Variants in GPI observed in about 807,000 individuals in gnomAD.
The protein encoded by GPI is glucose-6-phosphate isomerase.
Under a neutral mutation model 75.8 loss-of-function variants are expected in GPI, and 56 were observed. The observed-to-expected ratio is 0.74, with a 90% CI of 0.60 to 0.92. GPI has a LOEUF of 0.92. GPI is among the 40% of genes least tolerant of loss of function. The probability of loss-of-function intolerance (pLI) is 0.00; values close to 1 mark genes in which losing one functional copy is unlikely to be tolerated. For synonymous variants in GPI, 288 were observed against 285.4 expected, an observed-to-expected ratio of 1.01 and a Z score of -0.09; for missense variants, 638 against 741.0, an observed-to-expected ratio of 0.86 and a Z score of 1.61.
chr19:34,374,155 A>ATTTTTTTTTTTG (rs2074498045), intron 4 of GPI, among the ~76,000 whole-genome samples: 1 of 117,236 alleles, frequency 8.5e-6, no homozygotes, highest in African/African-American at 3.4e-5. Context: ...TTTTTTTTTA[A>ATTTTTTTTTTTG]ATTTTTTTAG....
At chr19:34,379,438 C>T in intron 7 of GPI, 80 bp from the exon 8 acceptor site, 1 of 1,211,864 alleles carries the variant, frequency 8.3e-7, no homozygotes. Context: ...CATGCAGGGC[C>T]TTGGTTCCTC....
chr19:34,379,469 C>T (rs746276683), intron 7 of GPI, 49 bp from the exon 8 acceptor site: 1 of 1,554,002 alleles, frequency 6.4e-7, no homozygotes, highest in East Asian at 2.2e-5. Context: ...AAGTGACTAC[C>T]CTTTGTCTCC....
At chr19:34,366,294 C>T in intron 1 of GPI, 51 bp from the exon 2 acceptor site, 1 of 1,206,504 alleles carries the variant, frequency 8.3e-7, no homozygotes. Flanking sequence ...GGGCATGGCT[C>T]CCCGCTAGGG....
intron 1 of GPI, 157 bp from the exon 2 acceptor site, chr19:34,366,188 C>T (rs2074361258): frequency 1.4e-6 from 1 of 707,742 alleles, no homozygotes; most frequent in Admixed American, 2.0e-5. Flanking sequence ...CCTGGTGGGC[C>T]AGCAGGTGAC....
chr19:34,397,112 T>C (rs2074957613), intron 14 of GPI, among the ~76,000 whole-genome samples: 1 of 152,084 alleles, frequency 6.6e-6, no homozygotes, highest in East Asian at 1.9e-4. Flanking sequence ...TCCTGGGCTA[T>C]CTGAAGAGTT....
intron 3 of GPI, 139 bp from the exon 4 acceptor site, chr19:34,368,444 A>T: frequency 7.0e-6 from 6 of 861,970 alleles, no homozygotes; most frequent in Non-Finnish European, 9.3e-6. Flanking sequence ...TTCTTGGAAC[A>T]AGGTTATGGT....
At chr19:34,386,708 C>T (rs1010111572) in intron 9 of GPI, among the ~76,000 whole-genome samples, 14 of 152,112 alleles carry the variant, frequency 9.2e-5, no homozygotes, top group Admixed American at 5.2e-4. Context: ...CTAAGTTAGA[C>T]GTGGGTAGGT....
upstream of GPI, chr19:34,365,172 G>A (rs2074336743): frequency 1.6e-6 from 2 of 1,265,668 alleles, no homozygotes; most frequent in South Asian, 2.8e-5. Flanking sequence ...GCGCCATAAA[G>A]GCCGCCGCGC....
chr19:34,362,234 G>C (rs1005184745), upstream of GPI, among the ~76,000 whole-genome samples: 3 of 152,008 alleles, frequency 2.0e-5, no homozygotes, highest in African/African-American at 7.2e-5. Context: ...TTGCAGGGAA[G>C]CAGAGGTTGC....
rs2075014798 is a variant in GPI at position 34,401,028 on chromosome 19, TTTTTTTTTTTTTTTTGACAAC to T, written c.*1007_*1027del. The T allele has an allele frequency of 8.7e-6, 1 of 114,578 alleles. No individual in the cohort carries two copies. The highest frequency in any genetic ancestry group is 3.9e-5 in the African/African-American group (1 of 25,390). 7.1% of individuals were successfully genotyped at this position (114,578 alleles called of 1,614,324 possible). On this transcript the variant is annotated 3_prime_UTR_variant, in exon 18 of 18. Coordinates refer to ENST00000356487, the MANE Select transcript of GPI (RefSeq NM_000175.5). ...GGTATGAGCCACCACGCCCGGCCCA[TTTTTTTTTTTTTTTTGACAAC>T]TTTTTTTTTTTTTTGAGACAGGGTC...
At chr19:34,376,338 C>T (rs1484137682) in intron 4 of GPI, among the ~76,000 whole-genome samples, 2 of 152,020 alleles carry the variant, frequency 1.3e-5, no homozygotes, top group Non-Finnish European at 2.9e-5. Context: ...GGTGGATCAC[C>T]TGAGGTCAGG....
chr19:34,393,569 G>A lies in GPI; in HGVS notation c.866-159G>A. The A allele has an allele frequency of 2.7e-6, 2 of 751,942 alleles. No homozygotes were observed. Among genetic ancestry groups the A allele is most frequent in the Non-Finnish European group, 4.6e-6 (2 of 430,824 alleles). The allele number at this position is 751,942 out of a possible 1,614,324, so 46.6% of individuals were successfully genotyped here. Reference sequence around the variant, plus strand: ...GCAGAGTCAGATCCCTGCACTCAGGGCCACCTCTCACTGGAGGGGCTTTGT... The same window carrying A: ...GCAGAGTCAGATCCCTGCACTCAGGACCACCTCTCACTGGAGGGGCTTTGT... On this transcript the variant is annotated intron_variant, in intron 10 of 17. Transcript: ENST00000356487. The surrounding 1 kb of genome is among the most constrained non-coding windows in gnomAD (Gnocchi z 4.4).
intron 9 of GPI, among the ~76,000 whole-genome samples, chr19:34,384,019 G>T (rs1276521460): frequency 6.6e-6 from 1 of 152,188 alleles, no homozygotes; most frequent in Non-Finnish European, 1.5e-5. Flanking sequence ...GTTTCTAGGG[G>T]AGGCCTGAGG....
intron 1 of GPI, 189 bp downstream of exon 1, chr19:34,365,577 T>G (rs1174568369): frequency 2.0e-6 from 2 of 988,790 alleles, no homozygotes; most frequent in African/African-American, 3.2e-5. Context: ...CCTGGGGGCT[T>G]GCAGCCTCGC....
At chr19:34,389,248 C>T (rs1412847214) in intron 9 of GPI, among the ~76,000 whole-genome samples, 7 of 152,164 alleles carry the variant, frequency 4.6e-5, no homozygotes, top group Admixed American at 4.6e-4. Flanking sequence ...ATCTCATTGC[C>T]CAAGCCAGAA....
chr19:34,376,689 G>A (rs10412725), intron 4 of GPI, among the ~76,000 whole-genome samples: 17,256 of 152,086 alleles, frequency 0.11, 1,290 homozygotes, highest in African/African-American at 0.2. Context: ...CAACTTCCTG[G>A]ACTCAAGCAA....
rs985804587 is a variant in GPI, at chr19:34,399,701, T to C, written c.1475-18T>C. 1.9e-6 allele frequency: 3 copies of C among 1,613,926 alleles called. No homozygotes were observed. The highest frequency in any genetic ancestry group is 1.3e-5 in the African/African-American group (1 of 74,932). On this transcript the variant is annotated intron_variant, in intron 16 of 17. Coordinates refer to ENST00000356487, the MANE Select transcript of GPI (RefSeq NM_000175.5). ...GGGCTTGTGGAGCCCTGATGTGCCCTGTCTGTCACTTCTGCAGCCATGTAT... is the reference window on the plus strand; with the variant it reads ...GGGCTTGTGGAGCCCTGATGTGCCCCGTCTGTCACTTCTGCAGCCATGTAT...
In GPI at chr19:34,374,733, G is replaced by T. The variant is rs1408409706; in HGVS notation, c.403-2770G>T. The stretch of plus-strand genomic sequence containing the variant: ...TTCTTTCTTTTTTCTTTTTTTCTTT[G>T]TTTTTTTTTTTTTTGAGGTAGGGTC... On this transcript the variant is annotated intron_variant, in intron 4 of 17. Coordinates refer to ENST00000356487, the MANE Select transcript of GPI (RefSeq NM_000175.5). Among the ~76,000 whole-genome samples the T allele has an allele frequency of 1.3e-3, 188 of 139,862 alleles. 4 individuals carry two copies. In the East Asian group the frequency reaches 0.027, roughly 20 times the overall value. 91.8% of individuals were successfully genotyped at this position (139,862 alleles called of 152,430 possible).
intron 9 of GPI, chr19:34,392,172 A>AGGTGTGAGGATCTGC (rs2074858427): frequency 0.012 from 2 of 168 alleles, no homozygotes; most frequent in Non-Finnish European, 0.011. Flanking sequence ...AGAAGATCTC[A>AGGTGTGAGGATCTGC]GTCTGTCAAT....
Sources: allele counts gnomAD v4.1 joint callset (sites outside exome capture counted in the v4.1 genomes callset), GRCh38; gene constraint gnomAD v4.1.1; non-coding constraint Gnocchi (gnomAD v3.1); transcripts MANE v1.5; gene names NCBI Gene and HGNC (gene_info 2026-07-23, HGNC 2026-07-21).